The following DDX10 variants were observed in gnomAD, a reference collection of about 807,000 sequenced individuals.
The protein encoded by DDX10 is DEAD-box helicase 10.
Under a neutral mutation model 104.3 loss-of-function variants are expected in DDX10, and 74 were observed. The ratio of observed to expected loss-of-function variants is 0.71; its 90% CI spans 0.59 to 0.86. DDX10 has a LOEUF of 0.86. Among genes scored for constraint, DDX10 ranks in the 40% least tolerant of loss-of-function variants. The probability of loss-of-function intolerance (pLI) is 0.00; values close to 1 mark genes in which losing one functional copy is unlikely to be tolerated. For synonymous variants in DDX10, 351 were observed against 353.4 expected, an observed-to-expected ratio of 0.99 and a Z score of 0.08; for missense variants, 952 against 1,040.0, an observed-to-expected ratio of 0.92 and a Z score of 1.16.
At chr11:108,705,266 C>T (rs1243345118) in intron 9 of DDX10, among the ~76,000 whole-genome samples, 1 of 152,128 alleles carries the variant, frequency 6.6e-6, no homozygotes, top group South Asian at 2.1e-4. Flanking sequence ...TTTGTAGTAC[C>T]TTATTCTCTT....
At chr11:108,904,362 C>G (rs542813242) in intron 16 of DDX10, among the ~76,000 whole-genome samples, 1 of 152,268 alleles carries the variant, frequency 6.6e-6, no homozygotes, top group Non-Finnish European at 1.5e-5. Context: ...GTAATTTTTA[C>G]ATTTGTAGGA....
chr11:108,721,797 T>C (rs1191190254), intron 12 of DDX10, among the ~76,000 whole-genome samples: 1 of 152,194 alleles, frequency 6.6e-6, no homozygotes, highest in Admixed American at 6.6e-5. Flanking sequence ...GTGCAGGTCA[T>C]TGTACTAGAT....
chr11:108,785,740 A>C (rs559707086), intron 13 of DDX10, among the ~76,000 whole-genome samples: 1 of 152,228 alleles, frequency 6.6e-6, no homozygotes, highest in South Asian at 2.1e-4. Context: ...AATCGTCTCC[A>C]ATCTTTTATA....
intron 17 of DDX10, chr11:108,929,423 AT>A (rs1251700937): frequency 2.0e-5 from 3 of 152,216 alleles, no homozygotes; most frequent in Non-Finnish European, 4.4e-5. Flanking sequence ...TGCGTAGACA[AT>A]TATTATTTAA....
At chr11:108,817,126 A>G (rs1862266331) in intron 13 of DDX10, among the ~76,000 whole-genome samples, 1 of 152,198 alleles carries the variant, frequency 6.6e-6, no homozygotes, top group Non-Finnish European at 1.5e-5. Flanking sequence ...TAGTTGTTTC[A>G]CTTAAATTTG....
chr11:108,716,376 C>T lies in DDX10; in HGVS notation c.1410+410C>T, dbSNP rs151169022. Among the ~76,000 whole-genome samples, 12 of 152,120 alleles carry T rather than the reference C, an allele frequency of 7.9e-5. No individual in the cohort carries two copies. The East Asian group carries it at 1.9e-3, about 25-fold the overall frequency. On this transcript the variant is annotated intron_variant, in intron 11 of 17. Transcript: ENST00000322536. ...CCTCCAAAAGTTCTGGGATTACAGG[C>T]GTGAGCCACTACGCCTGGCCAGTCT... is the stretch of plus-strand genomic sequence containing the variant.
intron 13 of DDX10, among the ~76,000 whole-genome samples, chr11:108,824,014 G>A (rs551139474): frequency 1.8e-4 from 28 of 152,186 alleles, no homozygotes; most frequent in African/African-American, 5.3e-4. Context: ...TCATAGTGTC[G>A]TATTGTTTGA....
chr11:108,781,211 AC>A (rs2134539369), intron 13 of DDX10, among the ~76,000 whole-genome samples: 1 of 152,070 alleles, frequency 6.6e-6, no homozygotes, highest in South Asian at 2.1e-4. Flanking sequence ...CACCAGCTCC[AC>A]CCATGTTGCT....
At chr11:108,793,339 C>G (rs1200013533) in intron 13 of DDX10, among the ~76,000 whole-genome samples, 3 of 152,164 alleles carry the variant, frequency 2.0e-5, no homozygotes, top group Non-Finnish European at 4.4e-5. Flanking sequence ...AGACCAGATG[C>G]AAATCAGCAA....
intron 10 of DDX10, among the ~76,000 whole-genome samples, chr11:108,713,271 G>T (rs2094286885): frequency 6.6e-6 from 1 of 152,046 alleles, no homozygotes; most frequent in Non-Finnish European, 1.5e-5. Flanking sequence ...ACTGTTTGAA[G>T]CATTGCTTCT....
At chr11:108,876,946 G>A (rs1321351205) in intron 16 of DDX10, among the ~76,000 whole-genome samples, 1 of 152,102 alleles carries the variant, frequency 6.6e-6, no homozygotes, top group Non-Finnish European at 1.5e-5. Context: ...CCCCTATAAA[G>A]GAGATTCTTG....
chr11:108,904,401 C>A (rs1863563037), intron 16 of DDX10, among the ~76,000 whole-genome samples: 1 of 152,128 alleles, frequency 6.6e-6, no homozygotes, highest in Non-Finnish European at 1.5e-5. Flanking sequence ...AGTGTTTCTG[C>A]CTTTTTGAAT....
chr11:108,837,919 G>A (rs942101046), intron 13 of DDX10, among the ~76,000 whole-genome samples: 3 of 151,966 alleles, frequency 2.0e-5, no homozygotes, highest in Admixed American at 6.6e-5. Context: ...CACCATGCTC[G>A]GCCTGGACAC....
intron 16 of DDX10, among the ~76,000 whole-genome samples, chr11:108,873,923 G>A (rs1863115931): frequency 6.6e-6 from 1 of 152,166 alleles, no homozygotes; most frequent in African/African-American, 2.4e-5. Flanking sequence ...GGATCAAACA[G>A]TACATGAACT....
At chr11:108,822,462 A>G (rs1288863444) in intron 13 of DDX10, 1 of 340,016 alleles carries the variant, frequency 2.9e-6, no homozygotes, top group South Asian at 2.8e-5. Flanking sequence ...GCATCAGTGT[A>G]TCCTTTCCCC....
chr11:108,719,261 C>T (rs1169547675), intron 11 of DDX10, among the ~76,000 whole-genome samples: 1 of 151,878 alleles, frequency 6.6e-6, no homozygotes, highest in Non-Finnish European at 1.5e-5. Flanking sequence ...AAAACCTTAT[C>T]TTTTGATACA....
chr11:108,827,504 T>C (rs1366566030), intron 13 of DDX10, among the ~76,000 whole-genome samples: 1 of 152,230 alleles, frequency 6.6e-6, no homozygotes, highest in African/African-American at 2.4e-5. Flanking sequence ...AGGTTTACTA[T>C]AGTGTGCTTT....
chr11:108,669,995 C>T (rs1162602469), intron 1 of DDX10, among the ~76,000 whole-genome samples: 1 of 152,188 alleles, frequency 6.6e-6, no homozygotes, highest in African/African-American at 2.4e-5. Flanking sequence ...GACTTTTGAC[C>T]TCCAGAGCTC....
intron 16 of DDX10, among the ~76,000 whole-genome samples, chr11:108,873,484 T>C (rs1463952182): frequency 2.0e-5 from 3 of 152,216 alleles, no homozygotes; most frequent in Non-Finnish European, 4.4e-5. Context: ...TAAGCCATTA[T>C]AGGATTGTTT....
Sources: gnomAD v4.1 joint callset for allele counts (sites outside exome capture counted in the v4.1 genomes callset) on GRCh38, gnomAD v4.1.1 for gene constraint, MANE v1.5 for transcripts, NCBI Gene and HGNC (gene_info 2026-07-23, HGNC 2026-07-21) for gene names.